ZNF462: variants seen among roughly 807,000 people sequenced by gnomAD.
The protein encoded by ZNF462 is zinc finger PBX1-interacting protein.
In ZNF462, 10 loss-of-function variants were observed where a neutral mutation model predicts 201.9. The ratio of observed to expected loss-of-function variants is 0.05; its 90% CI spans 0.03 to 0.08. ZNF462 has a LOEUF of 0.08. ZNF462 is among the 10% of genes least tolerant of loss of function. ZNF462 has a pLI of 1.00. For synonymous variants in ZNF462, 1,227 were observed against 1,193.3 expected, an observed-to-expected ratio of 1.03 and a Z score of -0.58; for missense variants, 2,523 against 3,168.3, an observed-to-expected ratio of 0.80 and a Z score of 4.89.
Position 106,915,368 on chromosome 9 carries a change from T to A in ZNF462, c.-30-7986T>A, listed in dbSNP as rs543552166. On this transcript the variant is annotated intron_variant, in intron 1 of 12. Transcript: ENST00000277225. ...TTCACCTGGTAATAAAGTCTACTGT[T>A]GTGTTGGTGGACAAATGTCTAAGCT... 2.6e-5 allele frequency among the ~76,000 whole-genome samples: 4 copies of A among 152,298 alleles called. No individual in the cohort carries two copies. The South Asian group carries it at 6.2e-4, about 24-fold the overall frequency.
In ZNF462 at chr9:106,886,267, G is replaced by C. The variant is rs895057751; in HGVS notation, c.-31+22912G>C. On this transcript the variant is annotated intron_variant, in intron 1 of 12. Transcript: ENST00000277225. This position sits in a 1 kb window ranked among gnomAD's most constrained non-coding sequence, Gnocchi z 4.6. ...CTGGACCGCTCTTTAAACTTTCTCT[G>C]TCTTTTCATGACTTGGGTATGTTTA... Among the ~76,000 whole-genome samples the C allele has an allele frequency of 6.6e-6, 1 of 152,134 alleles. No individual in the cohort carries two copies. The highest frequency in any genetic ancestry group is 1.5e-5 in the Non-Finnish European group (1 of 68,026).
intron 10 of ZNF462, among the ~76,000 whole-genome samples, chr9:106,986,976 CATAGATAGATAGATAGATAG>C (rs55877241): frequency 0.011 from 1,527 of 143,448 alleles, 23 homozygotes; most frequent in East Asian, 0.042. Context: ...AGTATTCCAT[CATAGATAGATAGATAGATAG>C]ATAGATAGAT....
At chr9:106,990,704 C>G (rs899980214) in intron 10 of ZNF462, among the ~76,000 whole-genome samples, 9 of 152,098 alleles carry the variant, frequency 5.9e-5, no homozygotes, top group African/African-American at 1.7e-4. Flanking sequence ...TCCTGCATGC[C>G]TAATGATTCT....
At position 107,011,285 on chromosome 9, in the gene ZNF462, A is replaced by G. The variant is rs1487326288; in HGVS notation, c.*255A>G. ...TCCGGATCTTCATCATGGAAGTTTC[A>G]TTTGTTGCGGAATATGGAAGCACCT... On this transcript the variant is annotated 3_prime_UTR_variant, in exon 13 of 13. Coordinates refer to ENST00000277225, the MANE Select transcript of ZNF462 (RefSeq NM_021224.6). This position sits in a 1 kb window ranked among gnomAD's most constrained non-coding sequence, Gnocchi z 5.6. 1.1e-5 allele frequency: 5 copies of G among 439,756 alleles called. No individual in the cohort carries two copies. Among genetic ancestry groups the G allele is most frequent in the Non-Finnish European group, 1.7e-5 (4 of 239,550 alleles). 27.2% of individuals were successfully genotyped at this position (439,756 alleles called of 1,614,324 possible).
Position 106,935,413 on chromosome 9 carries a change from A to C in ZNF462, c.6117-90A>C. On this transcript the variant is annotated intron_variant, in intron 5 of 12. Transcript: ENST00000277225. The surrounding 1 kb of genome is among the most constrained non-coding windows in gnomAD (Gnocchi z 4.1). ...ACAAAAGGACTTTGAACGACCTAGAAGTAGGATTCCTGGAAAAAAAGCAAT... is the reference window on the plus strand; with the variant it reads ...ACAAAAGGACTTTGAACGACCTAGACGTAGGATTCCTGGAAAAAAAGCAAT... The C allele has an allele frequency of 9.0e-7, 1 of 1,110,226 alleles. No homozygotes were observed. Among genetic ancestry groups the C allele is most frequent in the East Asian group, 2.4e-5 (1 of 42,192 alleles). The allele number at this position is 1,110,226 out of a possible 1,614,324, so 68.8% of individuals were successfully genotyped here.
At chr9:106,860,326 G>A (rs1157617374), upstream of ZNF462, among the ~76,000 whole-genome samples, 1 of 152,198 alleles carries the variant, frequency 6.6e-6, no homozygotes, top group African/African-American at 2.4e-5. This position sits in a 1 kb window ranked among gnomAD's most constrained non-coding sequence, Gnocchi z 7.1. Flanking sequence ...GGTTTACGAG[G>A]TCTGAGGCGT....
chr9:106,907,476 A>T (rs1466882963), intron 1 of ZNF462, among the ~76,000 whole-genome samples: 1 of 152,120 alleles, frequency 6.6e-6, no homozygotes, highest in Non-Finnish European at 1.5e-5. Flanking sequence ...TTCTAGACAC[A>T]TTACATTAGT....
intron 7 of ZNF462, among the ~76,000 whole-genome samples, chr9:106,948,069 T>C (rs1831183824): frequency 2.0e-5 from 3 of 152,182 alleles, no homozygotes; most frequent in Non-Finnish European, 4.4e-5. Flanking sequence ...GAAGAGGCAG[T>C]ACTCAAGCTG....
chr9:106,879,829 A>G (rs1357094035), intron 1 of ZNF462, among the ~76,000 whole-genome samples: 1 of 152,128 alleles, frequency 6.6e-6, no homozygotes, highest in South Asian at 2.1e-4. Flanking sequence ...TTCCCTTGTT[A>G]AACCTGAAAG....
chr9:106,951,585 A>G (rs935801714), intron 7 of ZNF462, among the ~76,000 whole-genome samples: 1 of 152,208 alleles, frequency 6.6e-6, no homozygotes, highest in Admixed American at 6.5e-5. Context: ...ATATAAAGCC[A>G]CTGTTAATAA....
Position 106,905,584 on chromosome 9 carries a change from C to A in ZNF462, c.-30-17770C>A, listed in dbSNP as rs928401994. Among the ~76,000 whole-genome samples, 69 of 152,262 alleles carry A rather than the reference C, an allele frequency of 4.5e-4. No homozygotes were observed. Among genetic ancestry groups the A allele is most frequent in the Non-Finnish European group, 4.4e-5 (3 of 68,004 alleles). On this transcript the variant is annotated intron_variant, in intron 1 of 12. Coordinates refer to ENST00000277225, the MANE Select transcript of ZNF462 (RefSeq NM_021224.6). The surrounding 1 kb of genome is among the most constrained non-coding windows in gnomAD (Gnocchi z 5.9). Reference sequence around the variant, plus strand: ...TGTCTGAGCTTAGACTCTCCTTGGGCAGGTCTTGCTGCGGCTGCTGTGGGA... The same window carrying A: ...TGTCTGAGCTTAGACTCTCCTTGGGAAGGTCTTGCTGCGGCTGCTGTGGGA...
chr9:106,966,800 T>C lies in ZNF462; in HGVS notation c.6428-5205T>C, dbSNP rs1832092509. On this transcript the variant is annotated intron_variant, in intron 7 of 12. Coordinates refer to ENST00000277225, the MANE Select transcript of ZNF462 (RefSeq NM_021224.6). This position sits in a 1 kb window ranked among gnomAD's most constrained non-coding sequence, Gnocchi z 4.4. ...TGCTTGCCTAAAATTCCTTGTCTTT[T>C]ATTTTTTCTTGGTACTTGATTCACA... 6.6e-6 allele frequency among the ~76,000 whole-genome samples: 1 copy of C among 152,144 alleles called. No individual in the cohort carries two copies. The highest frequency in any genetic ancestry group is 2.4e-5 in the African/African-American group (1 of 41,440).
chr9:106,976,014 C>T (rs1465011125), intron 9 of ZNF462: 1 of 152,190 alleles, frequency 6.6e-6, no homozygotes, highest in Non-Finnish European at 1.5e-5. Context: ...GAGAGTGAGA[C>T]AAACTATTTT....
At chr9:106,936,024 G>T (rs1350063955) in intron 6 of ZNF462, among the ~76,000 whole-genome samples, 1 of 152,204 alleles carries the variant, frequency 6.6e-6, no homozygotes, top group Non-Finnish European at 1.5e-5. Flanking sequence ...AAAGGGCAAA[G>T]GGAACTCAAG....
At chr9:106,909,049 G>T (rs1829432747) in intron 1 of ZNF462, among the ~76,000 whole-genome samples, 1 of 134,050 alleles carries the variant, frequency 7.5e-6, no homozygotes, top group Non-Finnish European at 1.5e-5. Context: ...TGCAACCTCT[G>T]CCTCCCAGGC....
At chr9:106,987,137 G>A (rs942534032) in intron 10 of ZNF462, among the ~76,000 whole-genome samples, 2 of 152,136 alleles carry the variant, frequency 1.3e-5, no homozygotes, top group Admixed American at 6.6e-5. Context: ...GCATATGCAA[G>A]TATCTTTTTC....
Position 106,951,412 on chromosome 9 carries a change from GATTT to G in ZNF462, c.6427+12321_6427+12324del, listed in dbSNP as rs891210874. Among the ~76,000 whole-genome samples, 3 of 152,136 alleles carry G rather than the reference GATTT, an allele frequency of 2.0e-5. 1 individual carries two copies. The highest frequency in any genetic ancestry group is 4.1e-4 in the South Asian group (2 of 4,824). ...TAATTCTGTGCAAGTGTAGGTTTAA[GATTT>G]ATTTATTTATTTATTATCTTTTTCC... On this transcript the variant is annotated intron_variant, in intron 7 of 12. Transcript: ENST00000277225.
chr9:106,884,551 C>T (rs990777213), intron 1 of ZNF462, among the ~76,000 whole-genome samples: 1 of 152,020 alleles, frequency 6.6e-6, no homozygotes, highest in Non-Finnish European at 1.5e-5. Flanking sequence ...TCCACCTCTG[C>T]CCTGTCCCCT....
chr9:106,956,892 G>C (rs1831600317), intron 7 of ZNF462, among the ~76,000 whole-genome samples: 3 of 152,132 alleles, frequency 2.0e-5, no homozygotes, highest in Admixed American at 2.0e-4. Flanking sequence ...TTTGGATTAG[G>C]CTTTGGCTTA....
Sources: gnomAD v4.1 joint callset for allele counts (sites outside exome capture counted in the v4.1 genomes callset) on GRCh38, gnomAD v4.1.1 for gene constraint, Gnocchi (gnomAD v3.1) non-coding constraint, MANE v1.5 for transcripts, NCBI Gene and HGNC (gene_info 2026-07-23, HGNC 2026-07-21) for gene names.